The following SHISA9 variants were observed in gnomAD, a reference collection of about 807,000 sequenced individuals.
SHISA9 encodes protein shisa-9.
SHISA9 carries 13 observed loss-of-function variants against 38.0 expected under a neutral mutation model. The observed-to-expected ratio is 0.34, with a 90% confidence interval of 0.22 to 0.54. The LOEUF (loss-of-function observed/expected upper bound fraction) is 0.54. Among genes scored for constraint, SHISA9 ranks in the 20% least tolerant of loss-of-function variants. The probability of loss-of-function intolerance (pLI) is 0.91; values close to 1 mark genes in which losing one functional copy is unlikely to be tolerated. For synonymous variants in SHISA9, 275 were observed against 242.0 expected, an observed-to-expected ratio of 1.14 and a Z score of -1.27; for missense variants, 538 against 575.8, an observed-to-expected ratio of 0.93 and a Z score of 0.67.
rs1288568287 is a variant in SHISA9, at chr16:12,990,378, G to C, written c.691+73563G>C. On this transcript the variant is annotated intron_variant, in intron 2 of 4. Transcript: ENST00000558583. The stretch of plus-strand genomic sequence containing the variant: ...CACCACACTGTCTTCCACAATGGTT[G>C]AACAAGTTTACACTCCCACCAACAG... Among the ~76,000 whole-genome samples the C allele has an allele frequency of 2.6e-5, 4 of 152,154 alleles. No homozygotes were observed. In the East Asian group the frequency reaches 7.7e-4, roughly 29 times the overall value.
At chr16:12,983,511 C>T (rs548573496) in intron 2 of SHISA9, among the ~76,000 whole-genome samples, 11 of 152,182 alleles carry the variant, frequency 7.2e-5, no homozygotes, top group Admixed American at 3.3e-4. Flanking sequence ...TTTTTTGAGA[C>T]GGAGTCTTGC....
At chr16:13,257,505 T>C in the SHISA9 span, among the ~76,000 whole-genome samples, 1 of 152,190 alleles carries the variant, frequency 6.6e-6, no homozygotes, top group Non-Finnish European at 1.5e-5. Context: ...ATCACCACCA[T>C]CATCAGCTCT....
the SHISA9 span, among the ~76,000 whole-genome samples, chr16:13,282,232 C>G: frequency 6.6e-6 from 1 of 151,924 alleles, no homozygotes; most frequent in Non-Finnish European, 1.5e-5. Flanking sequence ...ATGCCTACAT[C>G]TCACCTTTAG....
chr16:13,329,794 G>T, the SHISA9 span, among the ~76,000 whole-genome samples: 1 of 152,088 alleles, frequency 6.6e-6, no homozygotes, highest in African/African-American at 2.4e-5. Context: ...TTATTGTTGC[G>T]TCCGTCCTGG....
At chr16:13,326,190 G>A in the SHISA9 span, among the ~76,000 whole-genome samples, 1 of 151,832 alleles carries the variant, frequency 6.6e-6, no homozygotes, top group Non-Finnish European at 1.5e-5. Context: ...CCCCTATTCA[G>A]GCCCACCCAC....
intron 2 of SHISA9, among the ~76,000 whole-genome samples, chr16:12,963,383 C>T (rs1344407709): frequency 6.6e-6 from 1 of 152,134 alleles, no homozygotes; most frequent in Non-Finnish European, 1.5e-5. Context: ...CCTTTGTCTT[C>T]AGGAGCTCCT....
intron 4 of SHISA9, among the ~76,000 whole-genome samples, chr16:13,215,348 C>A (rs549195460): frequency 6.6e-6 from 1 of 152,292 alleles, no homozygotes; most frequent in Non-Finnish European, 1.5e-5. Context: ...GGAAAGAGAG[C>A]TTTACATCAG....
intron 2 of SHISA9, among the ~76,000 whole-genome samples, chr16:12,926,294 A>G (rs927510877): frequency 1.3e-5 from 2 of 152,052 alleles, no homozygotes; most frequent in Non-Finnish European, 1.5e-5. Flanking sequence ...TGTTTTCCTT[A>G]CTGATTGATC....
intron 2 of SHISA9, among the ~76,000 whole-genome samples, chr16:13,014,329 A>G (rs1364266458): frequency 1.3e-5 from 2 of 152,194 alleles, no homozygotes; most frequent in Non-Finnish European, 2.9e-5. Context: ...CGTGAGTTAT[A>G]AATCTCAAAG....
At chr16:13,007,621 C>G (rs2072615263) in intron 2 of SHISA9, among the ~76,000 whole-genome samples, 1 of 152,204 alleles carries the variant, frequency 6.6e-6, no homozygotes, top group South Asian at 2.1e-4. Context: ...TTTATACAAC[C>G]TACAAGGCCC....
intron 2 of SHISA9, among the ~76,000 whole-genome samples, chr16:12,980,488 G>A (rs948425242): frequency 1.3e-5 from 2 of 151,582 alleles, no homozygotes; most frequent in African/African-American, 4.8e-5. Flanking sequence ...TTAAAAATTC[G>A]ATGTGCTCTT....
intron 2 of SHISA9, among the ~76,000 whole-genome samples, chr16:13,182,469 C>T (rs948227470): frequency 1.2e-4 from 18 of 152,258 alleles, no homozygotes; most frequent in Non-Finnish European, 2.4e-4. Flanking sequence ...TGATGGTGAC[C>T]GGTTAGGTTT....
chr16:13,054,622 G>T (rs993235732), intron 2 of SHISA9, among the ~76,000 whole-genome samples: 21 of 152,302 alleles, frequency 1.4e-4, no homozygotes, highest in African/African-American at 3.8e-4. Context: ...TGCTAAGGAA[G>T]TTTGTTAAAC....
At chr16:13,269,774 A>C in the SHISA9 span, among the ~76,000 whole-genome samples, 3 of 152,224 alleles carry the variant, frequency 2.0e-5, no homozygotes, top group Non-Finnish European at 4.4e-5. Context: ...GTAAGGCTGT[A>C]GAGGTAGGTG....
At chr16:13,373,958 G>A in the SHISA9 span, among the ~76,000 whole-genome samples, 1 of 152,122 alleles carries the variant, frequency 6.6e-6, no homozygotes, top group Non-Finnish European at 1.5e-5. Context: ...TTAACCCCTG[G>A]ACAAGGAAGG....
the SHISA9 span, among the ~76,000 whole-genome samples, chr16:13,465,089 G>A: frequency 6.6e-6 from 1 of 152,138 alleles, no homozygotes; most frequent in Non-Finnish European, 1.5e-5. Flanking sequence ...TAACATTTTG[G>A]AAGAAATAAT....
At chr16:13,226,275 C>T (rs2051278497) in intron 4 of SHISA9, among the ~76,000 whole-genome samples, 1 of 152,204 alleles carries the variant, frequency 6.6e-6, no homozygotes, top group African/African-American at 2.4e-5. Context: ...TAACCTCTAA[C>T]CACCTCCTTG....
the SHISA9 span, among the ~76,000 whole-genome samples, chr16:13,506,198 C>G: frequency 6.6e-6 from 1 of 152,166 alleles, no homozygotes; most frequent in South Asian, 2.1e-4. Context: ...GAAGATTTGT[C>G]AAGTTCTTTT....
At chr16:13,111,187 G>A (rs1010876025) in intron 2 of SHISA9, among the ~76,000 whole-genome samples, 6 of 152,074 alleles carry the variant, frequency 3.9e-5, no homozygotes, top group African/African-American at 1.4e-4. Flanking sequence ...AGCCAAAATT[G>A]ACAAATGGGA....
Sources: allele counts gnomAD v4.1 joint callset (sites outside exome capture counted in the v4.1 genomes callset), GRCh38; gene constraint gnomAD v4.1.1; transcripts MANE v1.5; gene names NCBI Gene and HGNC (gene_info 2026-07-23, HGNC 2026-07-21).